The following BAZ2B variants were observed in gnomAD, a reference collection of about 807,000 sequenced individuals.
The protein encoded by BAZ2B is bromodomain adjacent to zinc finger domain 2B, also known as bromodomain adjacent to zinc finger domain protein 2B.
A neutral mutation model predicts 246.0 loss-of-function variants in BAZ2B; 91 were observed. The observed-to-expected ratio is 0.37, with a 90% CI of 0.31 to 0.44. BAZ2B has a LOEUF of 0.44. BAZ2B is among the 20% of genes least tolerant of loss of function. The probability of loss-of-function intolerance (pLI) is 1.00; values close to 1 mark genes in which losing one functional copy is unlikely to be tolerated. For synonymous variants in BAZ2B, 855 were observed against 860.0 expected (o/e 0.99, Z 0.10); for missense variants, 2,332 against 2,533.7 (o/e 0.92, Z 1.71).
chr2:159,358,249 A>C (rs904442882), intron 27 of BAZ2B, among the ~76,000 whole-genome samples: 2 of 152,258 alleles, frequency 1.3e-5, no homozygotes, highest in Non-Finnish European at 2.9e-5. Context: ...CATAGGCTCA[A>C]AACAAAGGGA....
intron 5 of BAZ2B, 73 bp downstream of exon 5, chr2:159,448,169 T>C: frequency 6.5e-7 from 1 of 1,528,206 alleles, no homozygotes. Context: ...AAAAAAGGTA[T>C]TAAACCTGAA....
At chr2:159,610,442 C>A (rs1275344228) in intron 1 of BAZ2B, among the ~76,000 whole-genome samples, 1 of 152,192 alleles carries the variant, frequency 6.6e-6, no homozygotes, top group Non-Finnish European at 1.5e-5. Context: ...TCTCTGCCCT[C>A]AGCAGGAGTG....
chr2:159,488,417 G>A (rs2080082174), intron 2 of BAZ2B, among the ~76,000 whole-genome samples: 1 of 151,958 alleles, frequency 6.6e-6, no homozygotes, highest in African/African-American at 2.4e-5. Context: ...AACACTTCAG[G>A]TGATGGATAT....
At chr2:159,590,259 A>G (rs1006567275) in intron 1 of BAZ2B, among the ~76,000 whole-genome samples, 1 of 131,184 alleles carries the variant, frequency 7.6e-6, no homozygotes, top group Non-Finnish European at 1.6e-5. Flanking sequence ...GCTATTGTTA[A>G]TCTTCCACTC....
At position 159,390,760 on chromosome 2, in the gene BAZ2B, C is replaced by T. The variant is rs987812943; in HGVS notation, c.3076-1275G>A. ...TGCTGAATATTATGATAGCCAGAGG[C>T]CAGATCCTAAGGGCCTTTTTATATG... On this transcript the variant is annotated intron_variant, in intron 20 of 36. Transcript: ENST00000392783. Among the ~76,000 whole-genome samples, 3 of 152,040 alleles carry T rather than the reference C, an allele frequency of 2.0e-5. No homozygotes were observed. The East Asian group carries it at 5.8e-4, about 29-fold the overall frequency.
chr2:159,524,430 G>T (rs1429736130), intron 2 of BAZ2B, among the ~76,000 whole-genome samples: 1 of 152,064 alleles, frequency 6.6e-6, no homozygotes, highest in African/African-American at 2.4e-5. Context: ...CTCGAGCCTG[G>T]GCAACAGAGC....
intron 2 of BAZ2B, among the ~76,000 whole-genome samples, chr2:159,497,602 A>G (rs1451242336): frequency 6.6e-6 from 1 of 152,206 alleles, no homozygotes; most frequent in Non-Finnish European, 1.5e-5. Context: ...TCTGATATAA[A>G]CATTTTCAAT....
At position 159,373,140 on chromosome 2, in the gene BAZ2B, C is replaced by T. The variant is rs745392195; in HGVS notation, c.4118G>A (p.Arg1373His). ...ACGATCTTGGCCAAACATCACTGAA[C>T]GCAATGAGTGAGACGCATCAAAGAG... is the stretch of plus-strand genomic sequence containing the variant. ...RKLFDASHSL[R>H]SVMFGQDRYR... Residue 1373 changes from arginine (R) to histidine (H), a missense_variant, in exon 27 of 37, where the codon CGT becomes CAT. This residue lies in a region of BAZ2B where 676 missense variants were observed against 668.6 expected (regional missense o/e 1.01). Coordinates refer to ENST00000392783, the MANE Select transcript of BAZ2B (RefSeq NM_013450.4). 1.7e-5 allele frequency: 28 copies of T among 1,613,900 alleles called. 1 individual carries two copies. Among genetic ancestry groups the T allele is most frequent in the Non-Finnish European group, 2.1e-5 (25 of 1,179,922 alleles).
intron 2 of BAZ2B, among the ~76,000 whole-genome samples, chr2:159,546,039 T>C (rs1036021628): frequency 5.9e-5 from 9 of 152,220 alleles, no homozygotes; most frequent in African/African-American, 1.7e-4. Flanking sequence ...ACAATGTTTT[T>C]GTGAAAATGA....
At chr2:159,465,034 G>C (rs1241783249) in intron 3 of BAZ2B, among the ~76,000 whole-genome samples, 1 of 152,176 alleles carries the variant, frequency 6.6e-6, no homozygotes, top group Non-Finnish European at 1.5e-5. Context: ...TGCTAGAGCT[G>C]CCATAACAAA....
intron 2 of BAZ2B, among the ~76,000 whole-genome samples, chr2:159,502,627 G>A (rs150023988): frequency 5.0e-4 from 76 of 152,152 alleles, no homozygotes; most frequent in African/African-American, 1.6e-3. Flanking sequence ...GAGCAAGACC[G>A]TCTCCAAAAT....
chr2:159,456,108 C>G (rs1052622476), intron 3 of BAZ2B, among the ~76,000 whole-genome samples: 11 of 151,432 alleles, frequency 7.3e-5, no homozygotes, highest in Admixed American at 3.9e-4. Flanking sequence ...TGATTTAATA[C>G]AAAGAAATTT....
At chr2:159,383,991 G>T (rs1017253613) in intron 23 of BAZ2B, among the ~76,000 whole-genome samples, 1 of 151,888 alleles carries the variant, frequency 6.6e-6, no homozygotes, top group Non-Finnish European at 1.5e-5. Context: ...TTTTGTTGCA[G>T]GTATTTTAAG....
At chr2:159,418,929 A>G (rs576249301) in intron 13 of BAZ2B, among the ~76,000 whole-genome samples, 31 of 152,254 alleles carry the variant, frequency 2.0e-4, no homozygotes, top group South Asian at 1.7e-3. Context: ...TGGTAGTAAA[A>G]TATTTGTGGG....
intron 2 of BAZ2B, among the ~76,000 whole-genome samples, chr2:159,506,047 C>T (rs996395409): frequency 3.3e-5 from 5 of 152,120 alleles, no homozygotes; most frequent in Admixed American, 2.0e-4. Context: ...GAATCTGAAA[C>T]GGATCTCTCC....
At chr2:159,425,515 T>G (rs2069650505) in intron 13 of BAZ2B, among the ~76,000 whole-genome samples, 1 of 152,226 alleles carries the variant, frequency 6.6e-6, no homozygotes, top group East Asian at 1.9e-4. Context: ...ACAAGCAAAT[T>G]TTAGAAAAGA....
intron 16 of BAZ2B, among the ~76,000 whole-genome samples, chr2:159,400,961 G>A (rs895922988): frequency 4.6e-5 from 7 of 151,952 alleles, no homozygotes; most frequent in Admixed American, 6.6e-5. Context: ...GGAGAATGGC[G>A]TGAACCCAGG....
intron 1 of BAZ2B, among the ~76,000 whole-genome samples, chr2:159,596,205 G>C (rs1462027190): frequency 1.3e-5 from 2 of 152,154 alleles, no homozygotes; most frequent in Admixed American, 6.5e-5. Flanking sequence ...GACTCCAAAA[G>C]AGTTTTCATT....
chr2:159,463,036 A>T, intron 3 of BAZ2B: 1 of 735,404 alleles, frequency 1.4e-6, no homozygotes, highest in African/African-American at 1.7e-5. Flanking sequence ...TGTAATTATG[A>T]CCTGATCTTC....
Sources: allele counts gnomAD v4.1 joint callset (sites outside exome capture counted in the v4.1 genomes callset), GRCh38; gene constraint gnomAD v4.1.1; regional missense constraint gnomAD v4.1.1; transcripts MANE v1.5; gene names NCBI Gene and HGNC (gene_info 2026-07-23, HGNC 2026-07-21).